Variants in SGCD observed in about 807,000 individuals in gnomAD.
SGCD encodes delta-sarcoglycan.
SGCD carries 18 observed loss-of-function variants against 36.6 expected under a neutral mutation model. That is an observed-to-expected ratio of 0.49 (90% CI 0.34 to 0.73). The LOEUF is 0.73. Among genes scored for constraint, SGCD ranks in the 30% least tolerant of loss-of-function variants. The pLI is 0.01. For synonymous variants in SGCD, 133 were observed against 130.6 expected (o/e 1.02, Z -0.12); for missense variants, 387 against 346.7 (o/e 1.12, Z -0.92).
At position 156,707,228 on chromosome 5, in the gene SGCD, T is replaced by A. The variant is rs139773298; in HGVS notation, c.576-50353T>A. Among the ~76,000 whole-genome samples, 297 of 152,332 alleles carry A rather than the reference T, an allele frequency of 1.9e-3. 2 individuals carry two copies. The highest frequency in any genetic ancestry group is 3.5e-3 in the Non-Finnish European group (241 of 68,020). On this transcript the variant is annotated intron_variant, in intron 7 of 8. Transcript: ENST00000337851. ...TCATTGGCCTTTCCATCTATTCCTG[T>A]CTGTATACCAGGGTGGCATTTTAGT...
intron 3 of SGCD, among the ~76,000 whole-genome samples, chr5:156,439,634 A>T (rs1445922389): frequency 6.6e-6 from 1 of 151,198 alleles, no homozygotes; most frequent in Non-Finnish European, 1.5e-5. Context: ...TATACATGAG[A>T]AGAGTAAGAA....
chr5:156,244,648 A>C (rs763294706), intron 3 of SGCD, among the ~76,000 whole-genome samples: 2 of 152,170 alleles, frequency 1.3e-5, no homozygotes, highest in Non-Finnish European at 2.9e-5. Context: ...TTTTTTAATA[A>C]AATTAAAAGT....
intron 3 of SGCD, among the ~76,000 whole-genome samples, chr5:156,315,831 G>A (rs561002546): frequency 6.6e-6 from 1 of 151,932 alleles, no homozygotes; most frequent in East Asian, 1.9e-4. Flanking sequence ...ATGTTTTCAT[G>A]TCCCTGTTAG....
intron 3 of SGCD, among the ~76,000 whole-genome samples, chr5:156,266,904 T>C (rs867426084): frequency 3.9e-5 from 6 of 152,160 alleles, no homozygotes; most frequent in Middle Eastern, 6.8e-3. Flanking sequence ...AAGCTCAGCA[T>C]GTTGGGTCTC....
chr5:156,429,701 A>T (rs1773846444), intron 3 of SGCD, among the ~76,000 whole-genome samples: 1 of 151,898 alleles, frequency 6.6e-6, no homozygotes, highest in South Asian at 2.1e-4. Context: ...CATTTCTTGT[A>T]GTGCTGATCT....
At chr5:156,254,094 G>T (rs1765650192) in intron 3 of SGCD, among the ~76,000 whole-genome samples, 1 of 151,970 alleles carries the variant, frequency 6.6e-6, no homozygotes, top group Non-Finnish European at 1.5e-5. Flanking sequence ...TTCATTTCTA[G>T]TTCTTATTTT....
intron 1 of SGCD, among the ~76,000 whole-genome samples, chr5:155,980,843 T>TGG (rs1758213786): frequency 1.3e-5 from 2 of 152,084 alleles, no homozygotes; most frequent in African/African-American, 4.8e-5. Flanking sequence ...GTATTAGTCC[T>TGG]ACATGCTGGA....
intron 6 of SGCD, among the ~76,000 whole-genome samples, chr5:156,627,301 T>G (rs933755291): frequency 4.6e-5 from 7 of 152,222 alleles, no homozygotes; most frequent in Non-Finnish European, 1.0e-4. Context: ...TAGTGTCCAG[T>G]GTCCCTAAAA....
chr5:156,298,084 G>T (rs760971465), intron 3 of SGCD, among the ~76,000 whole-genome samples: 6 of 151,854 alleles, frequency 4.0e-5, no homozygotes, highest in Non-Finnish European at 7.4e-5. Context: ...TATCCTCCAG[G>T]TCCGTCCATG....
At chr5:156,056,645 T>TA (rs561328077) in intron 1 of SGCD, among the ~76,000 whole-genome samples, 1,504 of 68,220 alleles carry the variant, frequency 0.022, 147 homozygotes, top group Middle Eastern at 0.038. Context: ...AAATTATCCT[T>TA]AAAAAAAAAA....
intron 1 of SGCD, among the ~76,000 whole-genome samples, chr5:156,093,048 G>A (rs897902133): frequency 6.6e-6 from 1 of 152,222 alleles, no homozygotes; most frequent in African/African-American, 2.4e-5. Flanking sequence ...ATTTAAGGGA[G>A]CCTCCAGATA....
At chr5:156,617,709 C>T (rs987258376) in intron 6 of SGCD, among the ~76,000 whole-genome samples, 48 of 152,264 alleles carry the variant, frequency 3.2e-4, no homozygotes, top group African/African-American at 1.1e-3. Flanking sequence ...CAGCAAAGGT[C>T]GTTAACTAGA....
chr5:156,563,399 C>A (rs963917017), intron 4 of SGCD, among the ~76,000 whole-genome samples: 1 of 152,060 alleles, frequency 6.6e-6, no homozygotes, highest in Admixed American at 6.6e-5. Context: ...ACAGAGAGAC[C>A]AAGGGAAATA....
chr5:155,731,442 A>G, the SGCD span, among the ~76,000 whole-genome samples: 1 of 152,172 alleles, frequency 6.6e-6, no homozygotes, highest in Non-Finnish European at 1.5e-5. Flanking sequence ...CCATGCTGCC[A>G]TTCTAAGGAC....
At chr5:155,825,636 G>T in the SGCD span, among the ~76,000 whole-genome samples, 1 of 152,122 alleles carries the variant, frequency 6.6e-6, no homozygotes, top group Non-Finnish European at 1.5e-5. Context: ...TCATACTGTG[G>T]GGATTATTTT....
chr5:156,756,798 C>T (rs1757351240), intron 7 of SGCD, among the ~76,000 whole-genome samples: 1 of 152,084 alleles, frequency 6.6e-6, no homozygotes, highest in African/African-American at 2.4e-5. Flanking sequence ...TCACACAAAA[C>T]ATGTTTTCCT....
chr5:156,202,295 A>G (rs1218907196), intron 3 of SGCD, among the ~76,000 whole-genome samples: 1 of 152,210 alleles, frequency 6.6e-6, no homozygotes, highest in African/African-American at 2.4e-5. Flanking sequence ...AGTATGTAAT[A>G]GTAGGCTTTA....
chr5:156,754,572 G>A (rs1250845398), intron 7 of SGCD, among the ~76,000 whole-genome samples: 1 of 152,200 alleles, frequency 6.6e-6, no homozygotes, highest in Non-Finnish European at 1.5e-5. Context: ...TAGATGGAAA[G>A]AAATACAGTT....
intron 1 of SGCD, among the ~76,000 whole-genome samples, chr5:156,021,664 C>T (rs1759100895): frequency 6.6e-6 from 1 of 152,060 alleles, no homozygotes; most frequent in Non-Finnish European, 1.5e-5. Context: ...TAACTTGGGC[C>T]TCGGCAACCT....
Sources: allele counts gnomAD v4.1 joint callset (sites outside exome capture counted in the v4.1 genomes callset), GRCh38; gene constraint gnomAD v4.1.1; transcripts MANE v1.5; gene names NCBI Gene and HGNC (gene_info 2026-07-23, HGNC 2026-07-21).